The following RBFOX1 variants were observed in gnomAD, a reference collection of about 807,000 sequenced individuals.
RBFOX1 encodes RNA binding fox-1 homolog 1.
RBFOX1 carries 8 observed loss-of-function variants against 57.7 expected under a neutral mutation model. The observed-to-expected ratio is 0.14, with a 90% CI of 0.08 to 0.25. RBFOX1 has a LOEUF of 0.25. Ranked by LOEUF, RBFOX1 falls within the 10% of genes least tolerant of loss-of-function variation. The pLI is 1.00. For missense variants in RBFOX1, 611 were observed against 548.5 expected (o/e 1.11, Z -1.14); for synonymous variants, 326 against 222.4 (o/e 1.47, Z -4.15).
At chr16:6,362,484 T>G (rs2088753367) in intron 2 of RBFOX1, among the ~76,000 whole-genome samples, 2 of 152,216 alleles carry the variant, frequency 1.3e-5, no homozygotes, top group South Asian at 4.1e-4. Flanking sequence ...GGCCACCTGC[T>G]CGTATGTCAT....
intron 4 of RBFOX1, among the ~76,000 whole-genome samples, chr16:7,353,223 C>T (rs1022794709): frequency 6.6e-6 from 1 of 152,116 alleles, no homozygotes. Flanking sequence ...ACTGGACATT[C>T]ACCATCACTA....
At chr16:6,235,562 G>A (rs138244278) in intron 1 of RBFOX1, among the ~76,000 whole-genome samples, 50 of 13,402 alleles carry the variant, frequency 3.7e-3, no homozygotes, top group African/African-American at 4.6e-3. Flanking sequence ...GTATGTATGT[G>A]TGTGTGTGTG....
chr16:6,673,414 C>T (rs764293120), intron 3 of RBFOX1, among the ~76,000 whole-genome samples: 8 of 151,892 alleles, frequency 5.3e-5, no homozygotes, highest in Non-Finnish European at 8.8e-5. Context: ...ATGGCAAAAC[C>T]GCATCTCTAC....
chr16:7,197,998 CTTTTT>C (rs945404947), intron 4 of RBFOX1, among the ~76,000 whole-genome samples: 2 of 55,598 alleles, frequency 3.6e-5, no homozygotes, highest in Non-Finnish European at 6.4e-5. Flanking sequence ...TTCTTTCTTT[CTTTTT>C]TTTTTTTTTT....
At chr16:7,314,595 C>T (rs1003715953) in intron 4 of RBFOX1, among the ~76,000 whole-genome samples, 2 of 152,178 alleles carry the variant, frequency 1.3e-5, no homozygotes, top group African/African-American at 4.8e-5. Context: ...TTCACAGTGG[C>T]ATCACGGTCC....
At chr16:7,162,240 C>T (rs960666135) in intron 4 of RBFOX1, among the ~76,000 whole-genome samples, 2 of 152,118 alleles carry the variant, frequency 1.3e-5, no homozygotes, top group African/African-American at 4.8e-5. Flanking sequence ...TTTATCTGTC[C>T]ACTCATCCAT....
chr16:6,525,982 G>T (rs908448174), intron 2 of RBFOX1, among the ~76,000 whole-genome samples: 1 of 152,096 alleles, frequency 6.6e-6, no homozygotes, highest in African/African-American at 2.4e-5. Context: ...TAAAGGTCAA[G>T]TAAAAATGAC....
At chr16:6,461,277 A>T (rs541975156) in intron 2 of RBFOX1, among the ~76,000 whole-genome samples, 106 of 152,270 alleles carry the variant, frequency 7.0e-4, no homozygotes, top group Non-Finnish European at 1.2e-3. Flanking sequence ...ATTAAATTTT[A>T]AAAAAAGAAC....
intron 3 of RBFOX1, among the ~76,000 whole-genome samples, chr16:5,631,620 T>A (rs753996812): frequency 1.3e-5 from 2 of 152,128 alleles, no homozygotes; most frequent in Non-Finnish European, 2.9e-5. Context: ...TTTAGGTAAT[T>A]TATTGCAGAC....
At chr16:6,397,441 T>TA (rs35626058) in intron 2 of RBFOX1, among the ~76,000 whole-genome samples, 76 of 149,770 alleles carry the variant, frequency 5.1e-4, no homozygotes, top group East Asian at 1.8e-3. Flanking sequence ...TCTGTTTTCA[T>TA]AAAAAAAAAA....
At chr16:5,855,272 G>C (rs971365877) in intron 3 of RBFOX1, among the ~76,000 whole-genome samples, 2 of 151,988 alleles carry the variant, frequency 1.3e-5, no homozygotes, top group Non-Finnish European at 2.9e-5. Context: ...CTGTGTTTTT[G>C]GTGTTATATT....
intron 3 of RBFOX1, among the ~76,000 whole-genome samples, chr16:6,793,545 C>G (rs116629647): frequency 6.6e-6 from 1 of 152,064 alleles, no homozygotes; most frequent in African/African-American, 2.4e-5. Context: ...TGTTATTGAC[C>G]TGCCTACATT....
At chr16:7,504,755 T>TATA (rs2072480043) in intron 4 of RBFOX1, among the ~76,000 whole-genome samples, 1 of 10,002 alleles carries the variant, frequency 1.0e-4, no homozygotes, top group East Asian at 3.8e-3. Flanking sequence ...ATATATATAT[T>TATA]TATATATATA....
At chr16:5,802,017 G>T (rs1358539464) in intron 3 of RBFOX1, among the ~76,000 whole-genome samples, 1 of 152,244 alleles carries the variant, frequency 6.6e-6, no homozygotes, top group Admixed American at 6.5e-5. Flanking sequence ...TTCGCTGGAG[G>T]AAGAGGAGAC....
chr16:6,535,685 A>G (rs1465635687), intron 2 of RBFOX1, among the ~76,000 whole-genome samples: 1 of 152,176 alleles, frequency 6.6e-6, no homozygotes, highest in African/African-American at 2.4e-5. Context: ...TGACCCATGG[A>G]CATTTTTGAG....
At chr16:6,152,200 A>G (rs2096802376) in intron 1 of RBFOX1, among the ~76,000 whole-genome samples, 2 of 152,206 alleles carry the variant, frequency 1.3e-5, no homozygotes, top group African/African-American at 4.8e-5. Context: ...GTCTGAGTCA[A>G]TCCAATGGAA....
chr16:6,763,028 C>G (rs560168413), intron 3 of RBFOX1, among the ~76,000 whole-genome samples: 1 of 32,482 alleles, frequency 3.1e-5, no homozygotes, highest in African/African-American at 6.4e-5. Flanking sequence ...GAGAATGTGA[C>G]GTTCATTCAT....
chr16:5,543,204 C>T (rs1487703904), intron 2 of RBFOX1, among the ~76,000 whole-genome samples: 2 of 152,000 alleles, frequency 1.3e-5, no homozygotes, highest in African/African-American at 2.4e-5. Context: ...AAAGAAGTTG[C>T]AAAGAAGCAT....
chr16:5,507,148 C>T (rs1373808507), intron 2 of RBFOX1, among the ~76,000 whole-genome samples: 2 of 152,028 alleles, frequency 1.3e-5, no homozygotes, highest in African/African-American at 4.8e-5. Flanking sequence ...GGGTTGTGGT[C>T]AGGATGAAGA....
Sources: gnomAD v4.1 joint callset for allele counts (sites outside exome capture counted in the v4.1 genomes callset) on GRCh38, gnomAD v4.1.1 for gene constraint, MANE v1.5 for transcripts, NCBI Gene and HGNC (gene_info 2026-07-23, HGNC 2026-07-21) for gene names.